Variants in RNF212B observed in about 807,000 individuals in gnomAD.
RNF212B encodes E3 ubiquitin-protein ligase RNF212B.
A neutral mutation model predicts 55.5 loss-of-function variants in RNF212B; 52 were observed. The ratio of observed to expected loss-of-function variants is 0.94; its 90% CI spans 0.75 to 1.18. The LOEUF is 1.18. Among genes scored for constraint, RNF212B ranks in the 50% most tolerant of loss-of-function variants. The pLI is 0.00. For synonymous variants in RNF212B, 99 were observed against 121.4 expected (o/e 0.82, Z 1.21); for missense variants, 289 against 350.4 (o/e 0.82, Z 1.40).
At chr14:23,242,592 C>T (rs190112640) in intron 2 of RNF212B, among the ~76,000 whole-genome samples, 1 of 152,132 alleles carries the variant, frequency 6.6e-6, no homozygotes, top group Non-Finnish European at 1.5e-5. Flanking sequence ...CTCTTCCTCA[C>T]TCTTGTAAAT....
chr14:23,232,785 G>A (rs1295177391), intron 2 of RNF212B, among the ~76,000 whole-genome samples: 1 of 76,824 alleles, frequency 1.3e-5, no homozygotes, highest in Non-Finnish European at 2.6e-5. Flanking sequence ...GGAGGGAGGT[G>A]GGGGGGGGGT....
chr14:23,236,650 T>G (rs902987600), upstream of RNF212B, among the ~76,000 whole-genome samples: 7 of 152,198 alleles, frequency 4.6e-5, no homozygotes, highest in Admixed American at 4.6e-4. Context: ...TTAAAATTTC[T>G]CACTTTTAAT....
chr14:23,249,464 G>T (rs1179954626), intron 4 of RNF212B, among the ~76,000 whole-genome samples: 1 of 152,154 alleles, frequency 6.6e-6, no homozygotes, highest in Non-Finnish European at 1.5e-5. Flanking sequence ...AGAATTGCTT[G>T]ATCCCAAGAG....
chr14:23,203,080 C>T (rs1232087750), intron 2 of RNF212B, among the ~76,000 whole-genome samples: 1 of 151,784 alleles, frequency 6.6e-6, no homozygotes, highest in Non-Finnish European at 1.5e-5. Context: ...TACCCATCAC[C>T]CAAGCAGTAT....
At chr14:23,268,715 A>G (rs1317512038) in intron 11 of RNF212B, among the ~76,000 whole-genome samples, 1 of 152,224 alleles carries the variant, frequency 6.6e-6, no homozygotes, top group Non-Finnish European at 1.5e-5. Flanking sequence ...GAGGGATCTC[A>G]GCCCACAGAC....
intron 2 of RNF212B, among the ~76,000 whole-genome samples, chr14:23,214,458 T>C (rs115333390): frequency 0.019 from 2,838 of 152,110 alleles, 91 homozygotes; most frequent in African/African-American, 0.065. Context: ...TGCGCCAATG[T>C]ACTCCGGCCT....
At chr14:23,210,499 T>G (rs929872548) in intron 2 of RNF212B, among the ~76,000 whole-genome samples, 1 of 151,902 alleles carries the variant, frequency 6.6e-6, no homozygotes, top group Non-Finnish European at 1.5e-5. Flanking sequence ...TAGGATGGGG[T>G]GGGCGTGGTG....
intron 2 of RNF212B, among the ~76,000 whole-genome samples, chr14:23,203,390 A>G (rs1879508448): frequency 2.0e-5 from 3 of 152,048 alleles, no homozygotes; most frequent in South Asian, 4.2e-4. Flanking sequence ...TGTGCGTGCA[A>G]ATATCTTTTT....
chr14:23,253,115 C>G (rs995240639), intron 4 of RNF212B, among the ~76,000 whole-genome samples: 1 of 152,030 alleles, frequency 6.6e-6, no homozygotes, highest in Non-Finnish European at 1.5e-5. Flanking sequence ...CCAAATATTA[C>G]GTCATTTCTA....
At chr14:23,222,123 A>G (rs1336907412) in intron 2 of RNF212B, among the ~76,000 whole-genome samples, 1 of 152,154 alleles carries the variant, frequency 6.6e-6, no homozygotes, top group Non-Finnish European at 1.5e-5. Flanking sequence ...GGAGAAAAAA[A>G]GCAAAAATAT....
intron 1 of RNF212B, among the ~76,000 whole-genome samples, chr14:23,191,728 C>T (rs986203386): frequency 4.6e-5 from 7 of 152,044 alleles, no homozygotes; most frequent in African/African-American, 9.7e-5. Flanking sequence ...AGACTGTCTT[C>T]TTTTGTATAT....
intron 1 of RNF212B, among the ~76,000 whole-genome samples, chr14:23,190,142 G>A (rs1371118929): frequency 6.6e-6 from 1 of 151,994 alleles, no homozygotes; most frequent in African/African-American, 2.4e-5. Context: ...CTCCTGGCTG[G>A]ATCCTTTCCT....
upstream of RNF212B, among the ~76,000 whole-genome samples, chr14:23,235,760 T>G (rs1883050120): frequency 6.6e-6 from 1 of 152,222 alleles, no homozygotes; most frequent in South Asian, 2.1e-4. Flanking sequence ...TGTGTATAAC[T>G]CAGTGAACCA....
intron 1 of RNF212B, among the ~76,000 whole-genome samples, chr14:23,188,661 G>A (rs1328980795): frequency 6.6e-6 from 1 of 151,866 alleles, no homozygotes. Flanking sequence ...GTAAAGATGA[G>A]GTCTTACTGC....
chr14:23,220,830 A>C (rs1881501572), intron 2 of RNF212B, among the ~76,000 whole-genome samples: 1 of 152,142 alleles, frequency 6.6e-6, no homozygotes, highest in Admixed American at 6.6e-5. Flanking sequence ...ATCAAAAAAA[A>C]CAAAACAAAA....
chr14:23,249,752 C>A (rs1044718982), intron 4 of RNF212B, among the ~76,000 whole-genome samples: 1 of 152,174 alleles, frequency 6.6e-6, no homozygotes, highest in African/African-American at 2.4e-5. Context: ...TAACCCTCTG[C>A]CTGGTGGGCT....
intron 4 of RNF212B, among the ~76,000 whole-genome samples, chr14:23,251,972 C>T (rs183848284): frequency 2.0e-5 from 3 of 152,266 alleles, no homozygotes; most frequent in African/African-American, 7.2e-5. Context: ...ACTCTCTGAA[C>T]CGCCTTGTTC....
intron 2 of RNF212B, among the ~76,000 whole-genome samples, chr14:23,224,530 G>A (rs1258104100): frequency 2.0e-5 from 3 of 152,082 alleles, no homozygotes; most frequent in Non-Finnish European, 4.4e-5. Context: ...AAATAGTGCT[G>A]GGAAAACTTG....
chr14:23,199,683 C>T (rs1045616007), intron 2 of RNF212B, among the ~76,000 whole-genome samples: 1 of 151,824 alleles, frequency 6.6e-6, no homozygotes, highest in African/African-American at 2.4e-5. Flanking sequence ...GTCTCATGTC[C>T]TATGAAGGAA....
Sources: gnomAD v4.1 joint callset for allele counts (sites outside exome capture counted in the v4.1 genomes callset) on GRCh38, gnomAD v4.1.1 for gene constraint, MANE v1.5 for transcripts, NCBI Gene and HGNC (gene_info 2026-07-23, HGNC 2026-07-21) for gene names.